Variants in ZKSCAN1 observed in about 807,000 individuals in gnomAD.
The protein encoded by ZKSCAN1 is zinc finger with KRAB and SCAN domains 1.
ZKSCAN1 carries 14 observed loss-of-function variants against 51.6 expected under a neutral mutation model. That is an observed-to-expected ratio of 0.27 (90% CI 0.18 to 0.42). The LOEUF (loss-of-function observed/expected upper bound fraction) is 0.42. Ranked by LOEUF, ZKSCAN1 falls within the 10% of genes least tolerant of loss-of-function variation. The pLI, the probability that ZKSCAN1 is intolerant of heterozygous loss-of-function variation, is 1.00. For missense variants in ZKSCAN1, 531 were observed against 710.0 expected (o/e 0.75, Z 2.86); for synonymous variants, 263 against 261.5 (o/e 1.01, Z -0.06).
In ZKSCAN1 at chr7:100,037,276, G is replaced by T; in HGVS notation, c.*3079G>T. On this transcript the variant is annotated 3_prime_UTR_variant, in exon 6 of 6. Transcript: ENST00000324306. ...AGTTGTCCTAATGGAAATTTTTGAA[G>T]AGTTTTTCAATATATACCCTACCCT... The T allele has an allele frequency of 1.0e-6, 1 of 985,390 alleles. No homozygotes were observed. The highest frequency in any genetic ancestry group is 1.2e-6 in the Non-Finnish European group (1 of 829,932). 61.0% of individuals were successfully genotyped at this position (985,390 alleles called of 1,614,324 possible).
Position 100,035,793 on chromosome 7 carries a change from C to T in ZKSCAN1, c.*1596C>T, listed in dbSNP as rs878935508. On this transcript the variant is annotated 3_prime_UTR_variant, in exon 6 of 6. Coordinates refer to ENST00000324306, the MANE Select transcript of ZKSCAN1 (RefSeq NM_003439.4). ...AACTTTCATTGGTCCCATCGTTGTG[C>T]GCAGGGTGCAACTGGCTACCTAGAA... The T allele has an allele frequency of 3.5e-5, 34 of 966,316 alleles. No homozygotes were observed. In the Admixed American group the frequency reaches 8.6e-4, roughly 25 times the overall value. The allele number at this position is 966,316 out of a possible 1,614,324, so 59.9% of individuals were successfully genotyped here. A position where few individuals can be genotyped will look rare whatever the true frequency, so the allele number is the denominator to read the frequency against.
chr7:100,039,764 C>G lies in ZKSCAN1; in HGVS notation c.*5567C>G, dbSNP rs994847982. The G allele has an allele frequency of 1.0e-6, 1 of 985,276 alleles. No individual in the cohort carries two copies. Among genetic ancestry groups the G allele is most frequent in the Admixed American group, 6.2e-5 (1 of 16,242 alleles). The allele number at this position is 985,276 out of a possible 1,614,324, so 61.0% of individuals were successfully genotyped here. A position where few individuals can be genotyped will look rare whatever the true frequency, so the allele number is the denominator to read the frequency against. Reference sequence around the variant, plus strand: ...GGGCCATATTTCTCTGTGTCCTACTCTGAGCAACTTCTCAGAGATACGAGG... The same window carrying G: ...GGGCCATATTTCTCTGTGTCCTACTGTGAGCAACTTCTCAGAGATACGAGG... On this transcript the variant is annotated 3_prime_UTR_variant, in exon 6 of 6. Transcript: ENST00000324306.
Position 100,035,581 on chromosome 7 carries a change from G to A in ZKSCAN1, c.*1384G>A, listed in dbSNP as rs1791324753. Reference sequence around the variant, plus strand: ...CTTTTCAGAAAAAGGAACGTGGTAGGGAGTGTTTTTTCCCACGCTTTTCCA... The same window carrying A: ...CTTTTCAGAAAAAGGAACGTGGTAGAGAGTGTTTTTTCCCACGCTTTTCCA... On this transcript the variant is annotated 3_prime_UTR_variant, in exon 6 of 6. Coordinates refer to ENST00000324306, the MANE Select transcript of ZKSCAN1 (RefSeq NM_003439.4). 2 of 152,410 alleles carry A rather than the reference G, an allele frequency of 1.3e-5. No homozygotes were observed. Among genetic ancestry groups the A allele is most frequent in the Admixed American group, 1.3e-4 (2 of 15,268 alleles). 9.4% of individuals were successfully genotyped at this position (152,410 alleles called of 1,614,324 possible).
intron 1 of ZKSCAN1, among the ~76,000 whole-genome samples, chr7:100,016,093 C>T (rs923197877): frequency 2.6e-5 from 4 of 152,174 alleles, no homozygotes; most frequent in Admixed American, 1.3e-4. Flanking sequence ...TTCTGCTCTC[C>T]CTTAGTCGCC....
At chr7:100,044,840 A>G, downstream of ZKSCAN1, 1 of 985,348 alleles carries the variant, frequency 1.0e-6, no homozygotes, top group Non-Finnish European at 1.2e-6. Context: ...CCTGGAAGAA[A>G]AAGGACATGT....
rs2116001795 is a variant in ZKSCAN1, at chr7:100,040,988, G to C, written c.*6791G>C. 3.0e-6 allele frequency: 3 copies of C among 985,314 alleles called. No homozygotes were observed. Among genetic ancestry groups the C allele is most frequent in the Non-Finnish European group, 3.6e-6 (3 of 829,908 alleles). The allele number at this position is 985,314 out of a possible 1,614,324, so 61.0% of individuals were successfully genotyped here. ...ATATGAGTTTGGGGGTAAGGGGTGG[G>C]ATAGCCAAGCAAAATCAGTAATTAT... On this transcript the variant is annotated 3_prime_UTR_variant, in exon 6 of 6. Coordinates refer to ENST00000324306, the MANE Select transcript of ZKSCAN1 (RefSeq NM_003439.4).
At chr7:100,041,797 C>A, downstream of ZKSCAN1, 1 of 947,628 alleles carries the variant, frequency 1.1e-6, no homozygotes, top group Non-Finnish European at 1.3e-6. Flanking sequence ...AAGACTGGAG[C>A]TGCAACCCAC....
chr7:100,030,986 G>A (rs1347419607), intron 5 of ZKSCAN1, among the ~76,000 whole-genome samples: 1 of 152,136 alleles, frequency 6.6e-6, no homozygotes, highest in Non-Finnish European at 1.5e-5. Context: ...TAGTAAGAAC[G>A]AGGAAGTTCA....
intron 3 of ZKSCAN1, 68 bp downstream of exon 3, chr7:100,024,375 G>C (rs771732611): frequency 1.3e-6 from 2 of 1,557,832 alleles, no homozygotes; most frequent in Admixed American, 3.7e-5. Context: ...GCTGCTGAGT[G>C]CCTGTGATGA....
At position 100,035,659 on chromosome 7, in the gene ZKSCAN1, T is replaced by C. The variant is rs191739484; in HGVS notation, c.*1462T>C. 1 of 168,518 alleles carries C rather than the reference T, an allele frequency of 5.9e-6. No homozygotes were observed. Among genetic ancestry groups the C allele is most frequent in the African/African-American group, 2.4e-5 (1 of 41,882 alleles). 10.4% of individuals were successfully genotyped at this position (168,518 alleles called of 1,614,324 possible). ...ACTGGCAATTACTAAATGTATTTTG[T>C]TGCTCTGAGAAACTCAGCAGTGTAC... On this transcript the variant is annotated 3_prime_UTR_variant, in exon 6 of 6. Coordinates refer to ENST00000324306, the MANE Select transcript of ZKSCAN1 (RefSeq NM_003439.4).
chr7:100,040,807 T>C lies in ZKSCAN1; in HGVS notation c.*6610T>C, dbSNP rs1450637071. 1.0e-6 allele frequency: 1 copy of C among 985,436 alleles called. No individual in the cohort carries two copies. The highest frequency in any genetic ancestry group is 1.2e-6 in the Non-Finnish European group (1 of 829,926). 61.0% of individuals were successfully genotyped at this position (985,436 alleles called of 1,614,324 possible). A position where few individuals can be genotyped will look rare whatever the true frequency, so the allele number is the denominator to read the frequency against. ...CAACCAGAGAAGAGCATCCGGTTGCTTTTTAAAGCTTTTAGCCTGCCCTAG... is the reference window on the plus strand; with the variant it reads ...CAACCAGAGAAGAGCATCCGGTTGCCTTTTAAAGCTTTTAGCCTGCCCTAG... On this transcript the variant is annotated 3_prime_UTR_variant, in exon 6 of 6. Coordinates refer to ENST00000324306, the MANE Select transcript of ZKSCAN1 (RefSeq NM_003439.4).
Position 100,039,538 on chromosome 7 carries a change from A to G in ZKSCAN1, c.*5341A>G. 1 of 985,364 alleles carries G rather than the reference A, an allele frequency of 1.0e-6. No homozygotes were observed. Among genetic ancestry groups the G allele is most frequent in the Non-Finnish European group, 1.2e-6 (1 of 829,926 alleles). The allele number at this position is 985,364 out of a possible 1,614,324, so 61.0% of individuals were successfully genotyped here. On this transcript the variant is annotated 3_prime_UTR_variant, in exon 6 of 6. Coordinates refer to ENST00000324306, the MANE Select transcript of ZKSCAN1 (RefSeq NM_003439.4). ...GATTATTAGGAGAGAGGTTTTGCAA[A>G]GACTCGTTGCTGTGAAAGAATCTTT... is the stretch of plus-strand genomic sequence containing the variant.
Position 100,030,179 on chromosome 7 carries a change from C to G in ZKSCAN1, c.673-70C>G. ...GCTTTGCAGCCACCTCTCTTCCTGA[C>G]TCCAGGTTTGAGCAATGGGATTGTC... is the stretch of plus-strand genomic sequence containing the variant. On this transcript the variant is annotated intron_variant, in intron 4 of 5. Transcript: ENST00000324306. The G allele has an allele frequency of 3.2e-6, 5 of 1,577,994 alleles. No homozygotes were observed. The South Asian group carries it at 4.7e-5, about 15-fold the overall frequency.
In ZKSCAN1 at chr7:100,033,241, G is replaced by A. The variant is rs897102596; in HGVS notation, c.800-64G>A. 9.3e-6 allele frequency: 14 copies of A among 1,497,452 alleles called. No individual in the cohort carries two copies. Among genetic ancestry groups the A allele is most frequent in the South Asian group, 7.0e-5 (5 of 71,226 alleles). 92.8% of individuals were successfully genotyped at this position (1,497,452 alleles called of 1,614,324 possible). A position where few individuals can be genotyped will look rare whatever the true frequency, so the allele number is the denominator to read the frequency against. ...TGTAGAAGCTTCTCGGGAAACTGTCGCTTGACCCACCTGTATATTCAAAAG... is the reference window on the plus strand; with the variant it reads ...TGTAGAAGCTTCTCGGGAAACTGTCACTTGACCCACCTGTATATTCAAAAG... On this transcript the variant is annotated intron_variant, in intron 5 of 5. Coordinates refer to ENST00000324306, the MANE Select transcript of ZKSCAN1 (RefSeq NM_003439.4). The surrounding 1 kb of genome is among the most constrained non-coding windows in gnomAD (Gnocchi z 4.1).
intron 1 of ZKSCAN1, among the ~76,000 whole-genome samples, chr7:100,020,584 A>G (rs1790548769): frequency 1.3e-5 from 2 of 152,246 alleles, no homozygotes; most frequent in South Asian, 4.2e-4. Flanking sequence ...TGAACCCGAG[A>G]GGCGGATGTT....
chr7:100,029,118 C>T (rs985953753), intron 3 of ZKSCAN1, among the ~76,000 whole-genome samples: 5 of 146,662 alleles, frequency 3.4e-5, no homozygotes, highest in African/African-American at 1.0e-4. Context: ...GAGCTAAGAT[C>T]GCACCATTGC....
chr7:100,031,963 C>G (rs1435800771), intron 5 of ZKSCAN1, among the ~76,000 whole-genome samples: 2 of 152,182 alleles, frequency 1.3e-5, no homozygotes, highest in African/African-American at 4.8e-5. Flanking sequence ...CCTATAGTCC[C>G]AGCTACTTGG....
intron 3 of ZKSCAN1, among the ~76,000 whole-genome samples, chr7:100,029,408 T>A (rs1791003452): frequency 6.6e-6 from 1 of 152,138 alleles, no homozygotes; most frequent in East Asian, 1.9e-4. Flanking sequence ...AGCTGTGTTG[T>A]GTTTTCCACA....
rs762380680 is a variant in ZKSCAN1 at position 100,030,382 on chromosome 7, C to T, written c.799+7C>T. On this transcript the variant is annotated splice_region_variant and intron_variant, in intron 5 of 5. Transcript: ENST00000324306. ...GGGAGCGCATTTCCCCAGGGTAAGA[C>T]GGATGCAGGCTTACTGTCTGATAAG... 77 of 1,611,902 alleles carry T rather than the reference C, an allele frequency of 4.8e-5. No individual in the cohort carries two copies. Among genetic ancestry groups the T allele is most frequent in the Non-Finnish European group, 6.0e-5 (71 of 1,179,066 alleles).
Sources: gnomAD v4.1 joint callset for allele counts (sites outside exome capture counted in the v4.1 genomes callset) on GRCh38, gnomAD v4.1.1 for gene constraint, Gnocchi (gnomAD v3.1) non-coding constraint, MANE v1.5 for transcripts, NCBI Gene and HGNC (gene_info 2026-07-23, HGNC 2026-07-21) for gene names.